LUZP2: variants seen among roughly 807,000 people sequenced by gnomAD.
LUZP2 encodes the protein leucine zipper protein 2.
LUZP2 carries 52 observed loss-of-function variants against 51.6 expected under a neutral mutation model. The observed-to-expected ratio is 1.01, with a 90% CI of 0.81 to 1.27. LUZP2 has a LOEUF of 1.27. Among genes scored for constraint, LUZP2 ranks in the 50% most tolerant of loss-of-function variants. The pLI, the probability that LUZP2 is intolerant of heterozygous loss-of-function variation, is 0.00. For synonymous variants in LUZP2, 154 were observed against 137.3 expected (o/e 1.12, Z -0.85); for missense variants, 436 against 395.4 (o/e 1.10, Z -0.87).
rs149693225 is a variant in LUZP2, at chr11:24,658,243, C to T, written c.63-70926C>T. Among the ~76,000 whole-genome samples the T allele has an allele frequency of 8.7e-3, 1,326 of 152,254 alleles. 16 individuals are homozygous for T. Among genetic ancestry groups the T allele is most frequent in the African/African-American group, 0.03 (1,241 of 41,546 alleles). On this transcript the variant is annotated intron_variant, in intron 1 of 11. Coordinates refer to ENST00000336930, the MANE Select transcript of LUZP2 (RefSeq NM_001009909.4). ...AAAACAGAGATATAGATCAATGGAA[C>T]AGAACACAGCCCTCAGAAATAATGC...
chr11:25,033,159 A>T (rs919194254), intron 9 of LUZP2, among the ~76,000 whole-genome samples: 2 of 152,230 alleles, frequency 1.3e-5, no homozygotes, highest in Non-Finnish European at 1.5e-5. Flanking sequence ...GTAACTAAGG[A>T]CAAATGGTGC....
At chr11:24,616,241 T>G (rs569456124) in intron 1 of LUZP2, among the ~76,000 whole-genome samples, 2 of 152,148 alleles carry the variant, frequency 1.3e-5, no homozygotes, top group South Asian at 4.2e-4. Flanking sequence ...CTTTTATGGA[T>G]AATAGTTTTG....
chr11:24,502,549 GA>G (rs1230175884), intron 1 of LUZP2, among the ~76,000 whole-genome samples: 1 of 151,638 alleles, frequency 6.6e-6, no homozygotes, highest in African/African-American at 2.4e-5. Context: ...ATGCCCGGCT[GA>G]TTTTTTCGTA....
intron 7 of LUZP2, among the ~76,000 whole-genome samples, chr11:24,935,030 A>G (rs545182990): frequency 5.9e-5 from 9 of 152,350 alleles, no homozygotes; most frequent in South Asian, 2.1e-4. Context: ...TAAATAATGT[A>G]CAAGAATAAG....
rs188411349 is a variant in LUZP2, at chr11:24,647,292, T to A, written c.63-81877T>A. ...TACCTTCAATCATTGCTGTTTTTTT[T>A]AAATTGGTACAGAATGTATTAATAA... On this transcript the variant is annotated intron_variant, in intron 1 of 11. Transcript: ENST00000336930. Among the ~76,000 whole-genome samples the A allele has an allele frequency of 1.6e-4, 24 of 152,086 alleles. No homozygotes were observed. In the East Asian group the frequency reaches 2.9e-3, roughly 18 times the overall value.
intron 7 of LUZP2, among the ~76,000 whole-genome samples, chr11:24,943,184 A>T (rs1402831786): frequency 1.3e-5 from 2 of 152,140 alleles, no homozygotes; most frequent in East Asian, 3.9e-4. Flanking sequence ...TCAGAAATTA[A>T]TTCTGGGTTT....
In LUZP2 at chr11:24,625,955, G is replaced by A. The variant is rs543378952; in HGVS notation, c.63-103214G>A. Among the ~76,000 whole-genome samples, 13 of 152,234 alleles carry A rather than the reference G, an allele frequency of 8.5e-5. No homozygotes were observed. In the South Asian group the frequency reaches 2.7e-3, roughly 32 times the overall value. ...CTAGTCCATTGGTCTTAGAGTGTAT[G>A]GGGAGTAGGAACATAAATAGTTACC... On this transcript the variant is annotated intron_variant, in intron 1 of 11. Transcript: ENST00000336930.
chr11:24,715,681 G>A (rs1426115337), intron 1 of LUZP2, among the ~76,000 whole-genome samples: 1 of 151,970 alleles, frequency 6.6e-6, no homozygotes, highest in Non-Finnish European at 1.5e-5. Flanking sequence ...TTAACTTGTT[G>A]GTGATTTCTT....
chr11:24,615,073 A>G (rs1281009229), intron 1 of LUZP2, among the ~76,000 whole-genome samples: 1 of 152,038 alleles, frequency 6.6e-6, no homozygotes, highest in Non-Finnish European at 1.5e-5. Context: ...AACATATTTT[A>G]TGGATTTAGT....
Position 24,527,394 on chromosome 11 carries a change from A to C in LUZP2, c.62+30089A>C, listed in dbSNP as rs1302617907. 5.3e-5 allele frequency among the ~76,000 whole-genome samples: 8 copies of C among 151,212 alleles called. No individual in the cohort carries two copies. In the Admixed American group the frequency reaches 5.3e-4, roughly 10 times the overall value. ...AGTTCAAAAGTAATTTTATTTATTAAAATATTGCAGTTCTAAGAGTAAATA... is the reference window on the plus strand; with the variant it reads ...AGTTCAAAAGTAATTTTATTTATTACAATATTGCAGTTCTAAGAGTAAATA... On this transcript the variant is annotated intron_variant, in intron 1 of 11. Coordinates refer to ENST00000336930, the MANE Select transcript of LUZP2 (RefSeq NM_001009909.4).
At chr11:24,530,311 G>A (rs973141264) in intron 1 of LUZP2, among the ~76,000 whole-genome samples, 4 of 150,698 alleles carry the variant, frequency 2.7e-5, no homozygotes, top group African/African-American at 9.7e-5. Context: ...TTTTCTGCTC[G>A]ACATCTGTAA....
chr11:24,763,263 T>C lies in LUZP2; in HGVS notation c.351T>C (p.Thr117=). 5 of 1,390,154 alleles carry C rather than the reference T, an allele frequency of 3.6e-6. No homozygotes were observed. Among genetic ancestry groups the C allele is most frequent in the Middle Eastern group, 1.9e-4 (1 of 5,262 alleles). The allele number at this position is 1,390,154 out of a possible 1,614,324, so 86.1% of individuals were successfully genotyped here. A position where few individuals can be genotyped will look rare whatever the true frequency, so the allele number is the denominator to read the frequency against. Residue 117 remains threonine, a synonymous_variant, in exon 5 of 12, where the codon ACT becomes ACC. Transcript: ENST00000336930. ...ATTTTCAGATTAATTTTTTAAAGACTGAAGTTGAAAGAAAGAGCAAAATGA... is the reference window on the plus strand; with the variant it reads ...ATTTTCAGATTAATTTTTTAAAGACCGAAGTTGAAAGAAAGAGCAAAATGA... The part of the protein sequence containing the change: ...KHQATINFLK[T]EVERKSKMIR...
intron 9 of LUZP2, among the ~76,000 whole-genome samples, chr11:25,003,316 G>A (rs924157318): frequency 6.6e-6 from 1 of 152,204 alleles, no homozygotes; most frequent in African/African-American, 2.4e-5. Context: ...CACGTAAGTT[G>A]GGATGTGTGG....
chr11:24,538,685 A>T (rs1851260518), intron 1 of LUZP2, among the ~76,000 whole-genome samples: 1 of 150,824 alleles, frequency 6.6e-6, no homozygotes, highest in African/African-American at 2.4e-5. Context: ...TATATATAAA[A>T]CTTTCAAAAA....
At chr11:25,044,994 G>T (rs577425997) in intron 9 of LUZP2, among the ~76,000 whole-genome samples, 79 of 144,822 alleles carry the variant, frequency 5.5e-4, no homozygotes, top group African/African-American at 1.9e-3. Context: ...TCACTCATAG[G>T]TGGGAATTGA....
intron 1 of LUZP2, among the ~76,000 whole-genome samples, chr11:24,668,963 A>C (rs1235823603): frequency 6.6e-6 from 1 of 152,098 alleles, no homozygotes; most frequent in East Asian, 1.9e-4. Context: ...TTGCACTAGA[A>C]TTTCTATATT....
chr11:25,043,117 C>T (rs1412426585), intron 9 of LUZP2, among the ~76,000 whole-genome samples: 6 of 152,010 alleles, frequency 3.9e-5, no homozygotes, highest in African/African-American at 1.2e-4. Context: ...TGCTGGACCT[C>T]GATTTGCGAT....
At chr11:24,572,234 AAC>A (rs1852467235) in intron 1 of LUZP2, among the ~76,000 whole-genome samples, 1 of 152,026 alleles carries the variant, frequency 6.6e-6, no homozygotes, top group Non-Finnish European at 1.5e-5. Flanking sequence ...CAGTTTTTAG[AAC>A]ACTGTAAAAA....
chr11:24,915,061 T>A (rs1853751248), intron 7 of LUZP2, among the ~76,000 whole-genome samples: 1 of 151,682 alleles, frequency 6.6e-6, no homozygotes, highest in Non-Finnish European at 1.5e-5. Context: ...AGATATATTG[T>A]ATGTAAACCT....
Sources: gnomAD v4.1 joint callset for allele counts (sites outside exome capture counted in the v4.1 genomes callset) on GRCh38, gnomAD v4.1.1 for gene constraint, MANE v1.5 for transcripts, NCBI Gene and HGNC (gene_info 2026-07-23, HGNC 2026-07-21) for gene names.